LRCH2: variants seen among roughly 807,000 people sequenced by gnomAD.
The protein encoded by LRCH2 is leucine rich repeats and calponin homology domain containing 2.
Under a neutral mutation model 68.9 loss-of-function variants are expected in LRCH2, and 38 were observed. That is an observed-to-expected ratio of 0.55 (90% confidence interval 0.43 to 0.72). LRCH2 has a LOEUF of 0.72. Ranked by LOEUF, LRCH2 falls within the 30% of genes least tolerant of loss-of-function variation. The probability of loss-of-function intolerance (pLI) is 0.00; values close to 1 mark genes in which losing one functional copy is unlikely to be tolerated. For synonymous variants in LRCH2, 191 were observed against 208.1 expected (o/e 0.92, Z 0.71); for missense variants, 528 against 572.9 (o/e 0.92, Z 0.80).
intron 12 of LRCH2, among the ~76,000 whole-genome samples, chrX:115,155,880 T>G: frequency 8.9e-6 from 1 of 111,932 alleles, no homozygotes; most frequent in South Asian, 3.8e-4. Flanking sequence ...GAAACCCACC[T>G]CAATCTTATG....
At chrX:115,152,632 G>A (rs2072440777) in intron 12 of LRCH2, among the ~76,000 whole-genome samples, 2 of 111,334 alleles carry the variant, frequency 1.8e-5, no homozygotes, top group African/African-American at 6.5e-5. Context: ...AATGTTCCAT[G>A]GCAAACTTCA....
chrX:115,190,998 T>A lies in LRCH2; in HGVS notation c.350-2628A>T, dbSNP rs1387082715. The A allele has an allele frequency of 9.6e-6, 11 of 1,143,832 alleles. No individual in the cohort carries two copies. The African/African-American group carries it at 2.3e-4, about 24-fold the overall frequency. 94.3% of individuals were successfully genotyped at this position (1,143,832 alleles called of 1,213,427 possible). On this transcript the variant is annotated intron_variant, in intron 1 of 20. Coordinates refer to ENST00000317135, the MANE Select transcript of LRCH2 (RefSeq NM_020871.4). Reference sequence around the variant, plus strand: ...AGGAGAACCGAGGCCACTCTCTGGATGCCAACAGCGGAGGCCGTTCACCCG... The same window carrying A: ...AGGAGAACCGAGGCCACTCTCTGGAAGCCAACAGCGGAGGCCGTTCACCCG...
At chrX:115,119,984 TG>T (rs1396831266) in intron 20 of LRCH2, among the ~76,000 whole-genome samples, 2 of 111,373 alleles carry the variant, frequency 1.8e-5, no homozygotes, top group Non-Finnish European at 3.8e-5. Context: ...AAGCTGAAAC[TG>T]GATCCCTTCC....
intron 5 of LRCH2, among the ~76,000 whole-genome samples, chrX:115,177,046 C>CT (rs35686915): frequency 0.037 from 2,471 of 66,639 alleles, 296 homozygotes; most frequent in African/African-American, 0.11. Flanking sequence ...CGCACCCAGC[C>CT]TTTTTTTTTT....
intron 1 of LRCH2, among the ~76,000 whole-genome samples, chrX:115,189,156 C>T (rs1319744479): frequency 8.9e-6 from 1 of 112,154 alleles, no homozygotes; most frequent in Admixed American, 9.4e-5. Context: ...AATAACCATT[C>T]CATATGTCTG....
chrX:115,174,346 G>A (rs980450285), intron 5 of LRCH2, among the ~76,000 whole-genome samples: 3 of 110,078 alleles, frequency 2.7e-5, no homozygotes, highest in South Asian at 3.9e-4. Context: ...GGATGGTACC[G>A]TTTAAAATCT....
Position 115,190,705 on chromosome X carries a change from C to T in LRCH2, c.350-2335G>A, listed in dbSNP as rs782361735. The T allele has an allele frequency of 6.4e-5, 74 of 1,158,692 alleles. 1 individual carries two copies. The African/African-American group carries it at 7.8e-4, about 12-fold the overall frequency. Reference sequence around the variant, plus strand: ...GAGCCACCACTATGGAGGAGAAGGCCGCTATGAGGAGTACCGAGGCCGCTC... The same window carrying T: ...GAGCCACCACTATGGAGGAGAAGGCTGCTATGAGGAGTACCGAGGCCGCTC... On this transcript the variant is annotated intron_variant, in intron 1 of 20. Transcript: ENST00000317135.
At chrX:115,215,227 A>G (rs1352803727) in intron 1 of LRCH2, among the ~76,000 whole-genome samples, 1 of 111,684 alleles carries the variant, frequency 9.0e-6, no homozygotes, top group Admixed American at 9.5e-5. Flanking sequence ...AGGAGTTTCA[A>G]AGTGTTAATA....
intron 12 of LRCH2, 86 bp from the exon 13 acceptor site, chrX:115,150,156 T>TA (rs1185031425): frequency 1.4e-6 from 1 of 739,462 alleles, no homozygotes; most frequent in Non-Finnish European, 1.9e-6. Context: ...GTTATCTTTT[T>TA]AAAAACATTG....
intron 12 of LRCH2, among the ~76,000 whole-genome samples, chrX:115,154,349 A>G (rs980545352): frequency 1.8e-5 from 2 of 111,898 alleles, no homozygotes; most frequent in African/African-American, 6.5e-5. Context: ...AGAACAAGAA[A>G]ACAGAAAATA....
At chrX:115,188,165 G>A (rs1248930159) in intron 2 of LRCH2, 61 bp downstream of exon 2, 28 of 829,105 alleles carry the variant, frequency 3.4e-5, no homozygotes, top group Non-Finnish European at 4.4e-5. Context: ...ATTCCTTTGC[G>A]ACTAAAAAAG....
chrX:115,124,416 T>C (rs1442438297), intron 16 of LRCH2, among the ~76,000 whole-genome samples: 1 of 112,182 alleles, frequency 8.9e-6, no homozygotes, highest in Non-Finnish European at 1.9e-5. Flanking sequence ...GGCAAACATA[T>C]TTGTATAGGG....
chrX:115,189,629 A>G, intron 1 of LRCH2: 1 of 1,168,957 alleles, frequency 8.6e-7, no homozygotes, highest in Non-Finnish European at 1.1e-6. Context: ...GCAGACGCCA[A>G]GGCTGCCGCC....
intron 6 of LRCH2, among the ~76,000 whole-genome samples, chrX:115,166,565 G>T (rs2072561824): frequency 9.0e-6 from 1 of 110,791 alleles, no homozygotes; most frequent in Non-Finnish European, 1.9e-5. Context: ...AGTGTCAATT[G>T]TCAACAATAA....
chrX:115,120,233 A>G (rs1198036056), intron 20 of LRCH2, among the ~76,000 whole-genome samples: 59 of 94,345 alleles, frequency 6.3e-4, no homozygotes, highest in Non-Finnish European at 1.0e-3. Flanking sequence ...GTGAACAGGC[A>G]ACCTACAAAA....
chrX:115,190,449 G>A lies in LRCH2; in HGVS notation c.350-2079C>T, dbSNP rs781893308. On this transcript the variant is annotated intron_variant, in intron 1 of 20. Transcript: ENST00000317135. ...GCTACGAGGAGTACCAGGGCAACTCGCCCGATGCCTGCAGTGAAGGCCGCT... is the reference window on the plus strand; with the variant it reads ...GCTACGAGGAGTACCAGGGCAACTCACCCGATGCCTGCAGTGAAGGCCGCT... 158 of 1,165,755 alleles carry A rather than the reference G, an allele frequency of 1.4e-4. No homozygotes were observed. The highest frequency in any genetic ancestry group is 1.7e-4 in the Non-Finnish European group (151 of 872,527).
At chrX:115,143,713 T>C (rs1184612263) in intron 14 of LRCH2, among the ~76,000 whole-genome samples, 1 of 111,295 alleles carries the variant, frequency 9.0e-6, no homozygotes, top group Non-Finnish European at 1.9e-5. Flanking sequence ...CGGATAAATA[T>C]GGATGCAAAA....
chrX:115,200,631 G>A (rs1256002357), intron 1 of LRCH2, among the ~76,000 whole-genome samples: 1 of 106,608 alleles, frequency 9.4e-6, no homozygotes, highest in Non-Finnish European at 1.9e-5. Flanking sequence ...AACTGAATCA[G>A]TAGTAAAAAA....
At chrX:115,116,312 C>T (rs1266775643) in intron 20 of LRCH2, among the ~76,000 whole-genome samples, 2 of 111,200 alleles carry the variant, frequency 1.8e-5, no homozygotes, top group Non-Finnish European at 3.8e-5. Flanking sequence ...AAATGTCTAT[C>T]AACTGATGAA....
Sources: gnomAD v4.1 joint callset for allele counts (sites outside exome capture counted in the v4.1 genomes callset) on GRCh38, gnomAD v4.1.1 for gene constraint, MANE v1.5 for transcripts, NCBI Gene and HGNC (gene_info 2026-07-23, HGNC 2026-07-21) for gene names.